The following PSPC1 variants were observed in gnomAD, a reference collection of about 807,000 sequenced individuals.
PSPC1 encodes the protein paraspeckle component 1, also known as paraspeckle protein 1.
In PSPC1, 14 loss-of-function variants were observed where a neutral mutation model predicts 51.6. The observed-to-expected ratio is 0.27, with a 90% confidence interval of 0.18 to 0.42. The LOEUF (loss-of-function observed/expected upper bound fraction) is 0.42. Among genes scored for constraint, PSPC1 ranks in the 10% least tolerant of loss-of-function variants. PSPC1 has a pLI of 1.00. For synonymous variants in PSPC1, 193 were observed against 231.9 expected (o/e 0.83, Z 1.53); for missense variants, 406 against 701.1 (o/e 0.58, Z 4.75).
chr13:19,728,121 G>C (rs1303010083), intron 6 of PSPC1, among the ~76,000 whole-genome samples: 10 of 152,098 alleles, frequency 6.6e-5, no homozygotes, highest in Admixed American at 6.6e-4. Context: ...TTATGATCAA[G>C]TTGAAGGCTG....
chr13:19,726,443 C>T (rs1883366779), intron 6 of PSPC1, among the ~76,000 whole-genome samples: 1 of 152,138 alleles, frequency 6.6e-6, no homozygotes, highest in Non-Finnish European at 1.5e-5. Flanking sequence ...TCCTTAAGTT[C>T]CACAAATATA....
intron 2 of PSPC1, among the ~76,000 whole-genome samples, chr13:19,768,688 T>TA (rs1379247123): frequency 2.7e-5 from 4 of 150,548 alleles, no homozygotes; most frequent in African/African-American, 4.9e-5. Flanking sequence ...GGGGGACATC[T>TA]AAAAAAATGG....
chr13:19,773,914 T>A (rs1420595763), intron 1 of PSPC1, among the ~76,000 whole-genome samples: 1 of 152,142 alleles, frequency 6.6e-6, no homozygotes, highest in Non-Finnish European at 1.5e-5. Flanking sequence ...CGCCTTAGCC[T>A]CCCAAAGTGT....
chr13:19,681,136 G>A (rs1368297015), intron 6 of PSPC1, among the ~76,000 whole-genome samples: 1 of 152,076 alleles, frequency 6.6e-6, no homozygotes, highest in Non-Finnish European at 1.5e-5. Flanking sequence ...AATCACTTGA[G>A]CCCAGGAGCT....
chr13:19,719,331 A>G (rs1351890243), intron 6 of PSPC1, among the ~76,000 whole-genome samples: 4 of 152,174 alleles, frequency 2.6e-5, no homozygotes. Context: ...AATCAATTAC[A>G]TTAAAAATAA....
chr13:19,782,608 G>A lies in PSPC1; in HGVS notation c.150C>T (p.Pro50=). ...CGTCCGGGTGGTCCTCTGGAGGCGC[G>A]GGCGCGGGCGGTGCCGGCTCCCCGG... ...ALAGEPAPPA[P]APPEDHPDEE... The change falls in exon 1 of 9, where the codon CCC becomes CCT. Residue 50 remains proline (P), a synonymous_variant. Coordinates refer to ENST00000338910, the MANE Select transcript of PSPC1 (RefSeq NM_001354909.2). The surrounding 1 kb of genome is among the most constrained non-coding windows in gnomAD (Gnocchi z 4.5). 4 of 1,579,836 alleles carry A rather than the reference G, an allele frequency of 2.5e-6. No homozygotes were observed. Among genetic ancestry groups the A allele is most frequent in the Non-Finnish European group, 1.7e-6 (2 of 1,166,368 alleles).
At position 19,702,886 on chromosome 13, in the gene PSPC1, ATTTC is replaced by A; in HGVS notation, c.*285_*288del. 1 of 210,666 alleles carries A rather than the reference ATTTC, an allele frequency of 4.7e-6. No homozygotes were observed. The highest frequency in any genetic ancestry group is 9.7e-6 in the Non-Finnish European group (1 of 102,990). 13.0% of individuals were successfully genotyped at this position (210,666 alleles called of 1,614,324 possible). A position where few individuals can be genotyped will look rare whatever the true frequency, so the allele number is the denominator to read the frequency against. ...TAACAGTTTTAAATTATCCAAAATG[ATTTC>A]TTTATTGAGATTAACTACATAGATT... On this transcript the variant is annotated 3_prime_UTR_variant, in exon 9 of 9. Coordinates refer to ENST00000338910, the MANE Select transcript of PSPC1 (RefSeq NM_001354909.2).
At chr13:19,727,596 T>C (rs187005546) in intron 6 of PSPC1, among the ~76,000 whole-genome samples, 1 of 152,312 alleles carries the variant, frequency 6.6e-6, no homozygotes. Flanking sequence ...AGAAACTGCA[T>C]CAACCAAATG....
intron 5 of PSPC1, among the ~76,000 whole-genome samples, chr13:19,738,143 C>A (rs1282511443): frequency 1.3e-5 from 2 of 152,098 alleles, no homozygotes; most frequent in African/African-American, 4.8e-5. Flanking sequence ...TACATATTAA[C>A]CCATACATAA....
chr13:19,673,046 C>A (rs1479648833), downstream of PSPC1: 6 of 441,422 alleles, frequency 1.4e-5, 1 homozygote, highest in South Asian at 4.8e-5. Flanking sequence ...CAGAATGAGA[C>A]CTTGTCTCAA....
intron 5 of PSPC1, among the ~76,000 whole-genome samples, chr13:19,740,046 T>C (rs1189518724): frequency 6.6e-6 from 1 of 151,630 alleles, no homozygotes; most frequent in Non-Finnish European, 1.5e-5. Flanking sequence ...GGGAATATGA[T>C]TTAAGAATGA....
At chr13:19,755,737 T>C (rs1261577609) in intron 3 of PSPC1, among the ~76,000 whole-genome samples, 10 of 152,204 alleles carry the variant, frequency 6.6e-5, no homozygotes, top group Non-Finnish European at 1.3e-4. Context: ...TCAGTCGTTA[T>C]TGATTCCTTC....
intron 6 of PSPC1, among the ~76,000 whole-genome samples, chr13:19,720,260 C>T (rs1882601697): frequency 1.3e-5 from 2 of 152,236 alleles, no homozygotes; most frequent in South Asian, 4.1e-4. Context: ...TCTTTCTTAT[C>T]CAGTGCATTT....
At chr13:19,731,697 A>T (rs1884143648) in intron 5 of PSPC1, among the ~76,000 whole-genome samples, 1 of 152,218 alleles carries the variant, frequency 6.6e-6, no homozygotes, top group Non-Finnish European at 1.5e-5. Context: ...TACAGGCGTG[A>T]GCCCCAACAC....
intron 1 of PSPC1, among the ~76,000 whole-genome samples, chr13:19,774,051 A>G (rs575511273): frequency 1.3e-5 from 2 of 152,324 alleles, no homozygotes; most frequent in Admixed American, 6.5e-5. Flanking sequence ...TTCACGAGCT[A>G]TAATAGTTCT....
rs1033413396 is a variant in PSPC1 at position 19,758,543 on chromosome 13, G to A, written c.770+780C>T. Among the ~76,000 whole-genome samples the A allele has an allele frequency of 3.3e-5, 5 of 151,486 alleles. No individual in the cohort carries two copies. In the East Asian group the frequency reaches 7.9e-4, roughly 24 times the overall value. ...TGAAGCACAAAATAAAACTTAAGAA[G>A]TATTTCCAGCTGGGCGTGGTGGCTC... On this transcript the variant is annotated intron_variant, in intron 3 of 8. Coordinates refer to ENST00000338910, the MANE Select transcript of PSPC1 (RefSeq NM_001354909.2).
At chr13:19,683,815 GA>G (rs1200773928) in intron 6 of PSPC1, among the ~76,000 whole-genome samples, 1 of 151,686 alleles carries the variant, frequency 6.6e-6, no homozygotes. Context: ...ACTTTTTCAG[GA>G]AAAAAATATA....
chr13:19,679,305 G>C (rs1877014205), intron 6 of PSPC1, among the ~76,000 whole-genome samples: 3 of 151,954 alleles, frequency 2.0e-5, no homozygotes, highest in South Asian at 2.1e-4. Context: ...GAAGAGCCTA[G>C]ACAACATGGC....
At chr13:19,775,610 G>T (rs1889034873) in intron 1 of PSPC1, among the ~76,000 whole-genome samples, 1 of 152,200 alleles carries the variant, frequency 6.6e-6, no homozygotes, top group Admixed American at 6.6e-5. Context: ...ATTCTAAACA[G>T]TCGTTTTGTT....
Sources: gnomAD v4.1 joint callset for allele counts (sites outside exome capture counted in the v4.1 genomes callset) on GRCh38, gnomAD v4.1.1 for gene constraint, Gnocchi (gnomAD v3.1) non-coding constraint, MANE v1.5 for transcripts, NCBI Gene and HGNC (gene_info 2026-07-23, HGNC 2026-07-21) for gene names.